Variants in LYPLA1 observed in about 807,000 individuals in gnomAD.
The protein encoded by LYPLA1 is acyl-protein thioesterase 1.
A neutral mutation model predicts 34.0 loss-of-function variants in LYPLA1; 17 were observed. The ratio of observed to expected loss-of-function variants is 0.50; its 90% CI spans 0.34 to 0.75. The LOEUF (loss-of-function observed/expected upper bound fraction) is 0.75. Ranked by LOEUF, LYPLA1 falls within the 30% of genes least tolerant of loss-of-function variation. The pLI, the probability that LYPLA1 is intolerant of heterozygous loss-of-function variation, is 0.01. For synonymous variants in LYPLA1, 98 were observed against 100.8 expected (o/e 0.97, Z 0.17); for missense variants, 203 against 288.8 (o/e 0.70, Z 2.15).
chr8:54,064,868 CA>C (rs567220509), intron 3 of LYPLA1, among the ~76,000 whole-genome samples: 100 of 145,944 alleles, frequency 6.9e-4, no homozygotes, highest in African/African-American at 1.2e-3. Context: ...TTAAAAATCG[CA>C]AAAAAAAAAA....
At chr8:54,097,647 A>G (rs1049250149) in intron 2 of LYPLA1, among the ~76,000 whole-genome samples, 2 of 152,240 alleles carry the variant, frequency 1.3e-5, no homozygotes, top group African/African-American at 4.8e-5. Flanking sequence ...CCATGGTTTC[A>G]GCTGCCCACA....
chr8:54,081,199 T>C (rs908433764), intron 2 of LYPLA1, among the ~76,000 whole-genome samples: 7 of 152,172 alleles, frequency 4.6e-5, no homozygotes, highest in Admixed American at 4.6e-4. Flanking sequence ...TGCAACAATA[T>C]TTCACAGTAA....
At chr8:54,099,693 A>AC (rs1809964411) in intron 2 of LYPLA1, among the ~76,000 whole-genome samples, 1 of 143,478 alleles carries the variant, frequency 7.0e-6, no homozygotes, top group Admixed American at 7.0e-5. Context: ...GCCTAATGGC[A>AC]TTTTTTTTTT....
At chr8:54,087,538 A>G (rs1232483037) in intron 2 of LYPLA1, among the ~76,000 whole-genome samples, 1 of 152,196 alleles carries the variant, frequency 6.6e-6, no homozygotes, top group African/African-American at 2.4e-5. Context: ...AGGATGAAAA[A>G]CTGTTGTGCT....
intron 2 of LYPLA1, among the ~76,000 whole-genome samples, chr8:54,082,447 A>T (rs959036452): frequency 2.0e-5 from 3 of 152,152 alleles, no homozygotes; most frequent in African/African-American, 7.2e-5. Flanking sequence ...CTTAGCTCCT[A>T]TTTGTTATGA....
chr8:54,089,174 C>CTG (rs1809018293), intron 2 of LYPLA1, among the ~76,000 whole-genome samples: 1 of 152,258 alleles, frequency 6.6e-6, no homozygotes, highest in African/African-American at 2.4e-5. Flanking sequence ...AACTACTGAA[C>CTG]TGTATACTTT....
chr8:54,048,442 A>G (rs1805621032), intron 8 of LYPLA1, among the ~76,000 whole-genome samples: 1 of 152,206 alleles, frequency 6.6e-6, no homozygotes, highest in Non-Finnish European at 1.5e-5. Flanking sequence ...GTGAACAATT[A>G]CTGACAACTA....
chr8:54,065,997 C>T (rs554889376), intron 2 of LYPLA1, among the ~76,000 whole-genome samples, 184 bp from the exon 3 acceptor site: 20 of 152,202 alleles, frequency 1.3e-4, no homozygotes, highest in Non-Finnish European at 2.4e-4. Flanking sequence ...AGTACAGTGG[C>T]GCGATCTCGG....
chr8:54,044,954 C>T (rs1805443764), downstream of LYPLA1: 2 of 152,038 alleles, frequency 1.3e-5, no homozygotes, highest in South Asian at 4.1e-4. Flanking sequence ...TCCATGTGTC[C>T]TGTATTATAT....
chr8:54,053,765 G>A lies in LYPLA1; in HGVS notation c.361-1009C>T, dbSNP rs1283383660. 11 of 455,976 alleles carry A rather than the reference G, an allele frequency of 2.4e-5. No homozygotes were observed. The East Asian group carries it at 4.9e-4, about 20-fold the overall frequency. 28.2% of individuals were successfully genotyped at this position (455,976 alleles called of 1,614,324 possible). A position where few individuals can be genotyped will look rare whatever the true frequency, so the allele number is the denominator to read the frequency against. On this transcript the variant is annotated intron_variant, in intron 6 of 8. Coordinates refer to ENST00000316963, the MANE Select transcript of LYPLA1 (RefSeq NM_006330.4). ...AAGGTAAATGAAACAGACAAGCAAA[G>A]AAACAAGAGATGAGAGATGGTGAGC...
At position 54,101,835 on chromosome 8, in the gene LYPLA1, G is replaced by C. The variant is rs1220895869; in HGVS notation, c.-12C>G. ...TTATTGCCGCACATACACCGCCTCA[G>C]CTCACAGCGCAAGCGGAAGGAAGAG... On this transcript the variant is annotated 5_prime_UTR_variant, in exon 1 of 9. Transcript: ENST00000316963. The C allele has an allele frequency of 7.9e-7, 1 of 1,259,878 alleles. No homozygotes were observed. The highest frequency in any genetic ancestry group is 1.0e-6 in the Non-Finnish European group (1 of 992,562). The allele number at this position is 1,259,878 out of a possible 1,614,324, so 78.0% of individuals were successfully genotyped here.
chr8:54,094,326 GGT>G (rs1258375207), intron 2 of LYPLA1, among the ~76,000 whole-genome samples: 1 of 152,142 alleles, frequency 6.6e-6, no homozygotes, highest in Non-Finnish European at 1.5e-5. Context: ...TGAGCTTTCA[GGT>G]GTGATATTCA....
chr8:54,071,193 G>A (rs1807435378), intron 2 of LYPLA1, among the ~76,000 whole-genome samples: 1 of 151,874 alleles, frequency 6.6e-6, no homozygotes, highest in Non-Finnish European at 1.5e-5. Flanking sequence ...AACAGTTTCA[G>A]ACTCAAGACA....
chr8:54,052,964 T>C, intron 6 of LYPLA1: 1 of 488,014 alleles, frequency 2.0e-6, no homozygotes, highest in Non-Finnish European at 3.7e-6. Context: ...AGACTTCCTT[T>C]CCGACGAGAC....
chr8:54,048,076 G>T lies in LYPLA1; in HGVS notation c.682C>A (p.Pro228Thr). Residue 228 changes from proline to threonine, a missense_variant, in exon 9 of 9, where the codon CCA becomes ACA. Pro to Thr is a conservative substitution (Grantham distance 38). This residue lies in a region of LYPLA1 where 123 missense variants were observed against 199.2 expected (regional missense o/e 0.62). Transcript: ENST00000316963. ...GCCTCTTAGTGACGTCAATCAATTG[G>T]AGGTAGGAGTTTATCAATGAATTGC... ...VKQFIDKLLP[P>T]ID 1 of 1,609,268 alleles carries T rather than the reference G, an allele frequency of 6.2e-7. No homozygotes were observed. Among genetic ancestry groups the T allele is most frequent in the Non-Finnish European group, 8.5e-7 (1 of 1,176,022 alleles).
chr8:54,091,349 A>G (rs2129363935), intron 2 of LYPLA1, among the ~76,000 whole-genome samples: 1 of 152,088 alleles, frequency 6.6e-6, no homozygotes, highest in East Asian at 2.0e-4. Flanking sequence ...TTAGCCGGGC[A>G]CAGTGGCGGG....
chr8:54,100,993 T>C, intron 1 of LYPLA1, 54 bp from the exon 2 acceptor site: 9 of 1,414,764 alleles, frequency 6.4e-6, no homozygotes, highest in Non-Finnish European at 9.0e-6. Flanking sequence ...CCACACAGGA[T>C]TGTTACACAC....
At chr8:54,054,043 C>T (rs1004165857) in intron 6 of LYPLA1, among the ~76,000 whole-genome samples, 6 of 152,096 alleles carry the variant, frequency 3.9e-5, no homozygotes, top group Admixed American at 1.3e-4. Context: ...TATAGTGGTG[C>T]GATCTTGGCT....
intron 5 of LYPLA1, among the ~76,000 whole-genome samples, chr8:54,061,813 G>C (rs1039544232): frequency 2.9e-4 from 44 of 152,058 alleles, no homozygotes; most frequent in African/African-American, 9.4e-4. Flanking sequence ...GGAAACAGCA[G>C]TACCTCCTGA....
Sources: allele counts gnomAD v4.1 joint callset (sites outside exome capture counted in the v4.1 genomes callset), GRCh38; gene constraint gnomAD v4.1.1; regional missense constraint gnomAD v4.1.1; transcripts MANE v1.5; gene names NCBI Gene and HGNC (gene_info 2026-07-23, HGNC 2026-07-21).